HMCN1: variants seen among roughly 807,000 people sequenced by gnomAD.
HMCN1 encodes the protein hemicentin-1.
Under a neutral mutation model 625.9 loss-of-function variants are expected in HMCN1, and 321 were observed. That is an observed-to-expected ratio of 0.51 (90% confidence interval 0.47 to 0.56). The LOEUF (loss-of-function observed/expected upper bound fraction) is 0.56, where lower values mean the gene tolerates loss of function less well. Among genes scored for constraint, HMCN1 ranks in the 20% least tolerant of loss-of-function variants. The probability of loss-of-function intolerance (pLI) is 0.00; values close to 1 mark genes in which losing one functional copy is unlikely to be tolerated. For synonymous variants in HMCN1, 2,425 were observed against 2,417.6 expected (o/e 1.00, Z -0.09); for missense variants, 6,588 against 6,887.3 (o/e 0.96, Z 1.54).
chr1:185,823,634 T>C (rs1418837262), intron 1 of HMCN1, among the ~76,000 whole-genome samples: 1 of 152,158 alleles, frequency 6.6e-6, no homozygotes, highest in Non-Finnish European at 1.5e-5. Flanking sequence ...GAAATCCAAG[T>C]CAGCTCCACT....
chr1:185,837,865 A>C (rs1661263828), intron 1 of HMCN1, among the ~76,000 whole-genome samples: 1 of 152,246 alleles, frequency 6.6e-6, no homozygotes, highest in Admixed American at 6.5e-5. Flanking sequence ...AACAGGAAAC[A>C]GGAATTGTGT....
chr1:186,052,822 G>T (rs951476142), intron 42 of HMCN1, 130 bp from the exon 43 acceptor site: 3 of 775,044 alleles, frequency 3.9e-6, no homozygotes, highest in Non-Finnish European at 6.7e-6. Context: ...TTAATTTGAT[G>T]TTGATGTCAA....
chr1:185,825,177 G>A (rs1474772634), intron 1 of HMCN1, among the ~76,000 whole-genome samples: 1 of 152,112 alleles, frequency 6.6e-6, no homozygotes, highest in East Asian at 1.9e-4. Flanking sequence ...GAAACGCTGA[G>A]GAGGGGTACT....
intron 102 of HMCN1, among the ~76,000 whole-genome samples, chr1:186,173,664 A>G: frequency 6.8e-6 from 1 of 147,260 alleles, no homozygotes; most frequent in African/African-American, 2.5e-5. Context: ...AAGAAAAAAG[A>G]AAAAAAAAAA....
At chr1:185,785,696 C>T (rs1028777415) in intron 1 of HMCN1, among the ~76,000 whole-genome samples, 1 of 152,156 alleles carries the variant, frequency 6.6e-6, no homozygotes, top group South Asian at 2.1e-4. Context: ...GTTTTGAAGG[C>T]CAAATAGGAA....
chr1:185,972,446 T>C (rs778597444), intron 15 of HMCN1, among the ~76,000 whole-genome samples: 2 of 152,220 alleles, frequency 1.3e-5, no homozygotes, highest in Non-Finnish European at 2.9e-5. Context: ...TTCGTATTTA[T>C]GCTTTATTTC....
chr1:186,119,649 A>C (rs1661302911), intron 78 of HMCN1, 96 bp from the exon 79 acceptor site: 1 of 1,216,706 alleles, frequency 8.2e-7, no homozygotes, highest in Admixed American at 1.8e-5. Flanking sequence ...AATATTTTAG[A>C]ATTATGAATT....
At chr1:185,867,317 C>A (rs1348009747) in intron 4 of HMCN1, among the ~76,000 whole-genome samples, 1 of 152,202 alleles carries the variant, frequency 6.6e-6, no homozygotes, top group East Asian at 1.9e-4. Context: ...AATGTTTGCA[C>A]GAGAATTTGG....
chr1:185,812,244 T>C (rs1418948150), intron 1 of HMCN1, among the ~76,000 whole-genome samples: 1 of 152,144 alleles, frequency 6.6e-6, no homozygotes, highest in East Asian at 1.9e-4. Flanking sequence ...TTGATAAATA[T>C]CTTTTTACTA....
chr1:186,042,808 AC>A (rs1177098605), intron 40 of HMCN1, among the ~76,000 whole-genome samples: 1 of 152,102 alleles, frequency 6.6e-6, no homozygotes, highest in African/African-American at 2.4e-5. Flanking sequence ...TGTAGTAGTA[AC>A]CTTGGTGATG....
At chr1:186,063,468 AGG>A (rs1171187088) in intron 48 of HMCN1, among the ~76,000 whole-genome samples, 7 of 121,342 alleles carry the variant, frequency 5.8e-5, no homozygotes, top group Non-Finnish European at 1.0e-4. Context: ...GAAGGAAGGA[AGG>A]AAGGAAGGAA....
intron 15 of HMCN1, among the ~76,000 whole-genome samples, chr1:185,971,291 T>C (rs1650811817): frequency 6.6e-6 from 1 of 152,220 alleles, no homozygotes; most frequent in Admixed American, 6.5e-5. Flanking sequence ...TACTCTTCAG[T>C]GTATGAAATA....
chr1:185,788,012 G>A (rs1557969452), intron 1 of HMCN1, among the ~76,000 whole-genome samples: 1 of 152,154 alleles, frequency 6.6e-6, no homozygotes, highest in African/African-American at 2.4e-5. Flanking sequence ...TACCCAGGCA[G>A]TAGCAGGTCT....
At chr1:186,172,950 A>C (rs542721712) in intron 102 of HMCN1, among the ~76,000 whole-genome samples, 4 of 152,300 alleles carry the variant, frequency 2.6e-5, no homozygotes, top group Non-Finnish European at 5.9e-5. Flanking sequence ...GAAAATGATC[A>C]CATTTAAATA....
intron 100 of HMCN1, 144 bp from the exon 101 acceptor site, chr1:186,171,193 C>G: frequency 1.6e-6 from 1 of 640,034 alleles, no homozygotes; most frequent in Non-Finnish European, 2.8e-6. Flanking sequence ...AAGTATTTGG[C>G]AGATCACATG....
chr1:186,080,519 C>T (rs1659103787), intron 55 of HMCN1, among the ~76,000 whole-genome samples: 1 of 152,088 alleles, frequency 6.6e-6, no homozygotes, highest in Non-Finnish European at 1.5e-5. Flanking sequence ...TTGTTTTCAA[C>T]AAGAATGAAC....
At chr1:186,110,365 GAGA>G (rs1660817992) in intron 71 of HMCN1, among the ~76,000 whole-genome samples, 2 of 152,184 alleles carry the variant, frequency 1.3e-5, no homozygotes, top group Admixed American at 6.5e-5. Context: ...GCATGAGACT[GAGA>G]AGGAGGACTC....
intron 1 of HMCN1, among the ~76,000 whole-genome samples, chr1:185,837,736 T>C (rs1158672443): frequency 6.6e-6 from 1 of 152,194 alleles, no homozygotes; most frequent in Non-Finnish European, 1.5e-5. Context: ...ATGATAAACC[T>C]GGAACAAACA....
At chr1:185,749,025 A>G (rs1471584970) in intron 1 of HMCN1, among the ~76,000 whole-genome samples, 3 of 152,174 alleles carry the variant, frequency 2.0e-5, no homozygotes, top group Admixed American at 6.5e-5. Flanking sequence ...AGCTTGGGGT[A>G]GGAAGAGGGC....
Sources: gnomAD v4.1 joint callset for allele counts (sites outside exome capture counted in the v4.1 genomes callset) on GRCh38, gnomAD v4.1.1 for gene constraint, MANE v1.5 for transcripts, NCBI Gene and HGNC (gene_info 2026-07-23, HGNC 2026-07-21) for gene names.